Variants in PPM1L observed in about 807,000 individuals in gnomAD.
PPM1L encodes protein phosphatase 1L.
In PPM1L, 13 loss-of-function variants were observed where a neutral mutation model predicts 31.4. The ratio of observed to expected loss-of-function variants is 0.41; its 90% CI spans 0.27 to 0.66. The LOEUF (loss-of-function observed/expected upper bound fraction) is 0.66. Ranked by LOEUF, PPM1L falls within the 30% of genes least tolerant of loss-of-function variation. The probability of loss-of-function intolerance (pLI) is 0.29; values close to 1 mark genes in which losing one functional copy is unlikely to be tolerated. For missense variants in PPM1L, 326 were observed against 453.7 expected (o/e 0.72, Z 2.56); for synonymous variants, 184 against 175.4 (o/e 1.05, Z -0.39).
chr3:160,897,750 T>C (rs1713390937), intron 1 of PPM1L, among the ~76,000 whole-genome samples: 1 of 152,246 alleles, frequency 6.6e-6, no homozygotes, highest in African/African-American at 2.4e-5. Context: ...GACTGCCAGC[T>C]GGATGCAGGG....
At chr3:160,985,978 A>ACCC (rs60857659) in intron 2 of PPM1L, among the ~76,000 whole-genome samples, 5 of 59,372 alleles carry the variant, frequency 8.4e-5, no homozygotes, top group African/African-American at 1.8e-4. Flanking sequence ...CTCTCCACCC[A>ACCC]CCCAAAAAAA....
chr3:161,068,406 TG>T (rs1719806044), intron 3 of PPM1L, among the ~76,000 whole-genome samples: 1 of 152,166 alleles, frequency 6.6e-6, no homozygotes, highest in South Asian at 2.1e-4. Context: ...CACTTATGAG[TG>T]GCCTCAGGCC....
intron 1 of PPM1L, among the ~76,000 whole-genome samples, chr3:160,897,875 G>C (rs1454578719): frequency 6.6e-6 from 1 of 152,154 alleles, no homozygotes; most frequent in South Asian, 2.1e-4. Context: ...CTTGCACCCT[G>C]TCACTCACTT....
At chr3:160,911,209 G>A (rs1333539604) in intron 1 of PPM1L, among the ~76,000 whole-genome samples, 2 of 152,194 alleles carry the variant, frequency 1.3e-5, no homozygotes, top group African/African-American at 2.4e-5. Flanking sequence ...CAGAATATAA[G>A]TAAGAAATCT....
intron 2 of PPM1L, among the ~76,000 whole-genome samples, chr3:161,040,945 A>G (rs9682249): frequency 0.046 from 7,021 of 152,264 alleles, 410 homozygotes; most frequent in African/African-American, 0.12. Context: ...GCATCTGTAA[A>G]GAATCTCTGT....
chr3:161,029,114 T>C (rs138451470), intron 2 of PPM1L, among the ~76,000 whole-genome samples: 1 of 152,326 alleles, frequency 6.6e-6, no homozygotes, highest in East Asian at 1.9e-4. Context: ...ATGTATGTAG[T>C]CTAATGGCCG....
At chr3:160,866,710 T>C (rs1712100834) in intron 1 of PPM1L, among the ~76,000 whole-genome samples, 1 of 152,134 alleles carries the variant, frequency 6.6e-6, no homozygotes, top group Admixed American at 6.5e-5. Flanking sequence ...ATTAACTCAT[T>C]CCCCCATATA....
At chr3:160,957,478 C>T (rs1326256115) in intron 1 of PPM1L, among the ~76,000 whole-genome samples, 6 of 152,142 alleles carry the variant, frequency 3.9e-5, no homozygotes, top group African/African-American at 1.4e-4. Context: ...GGAATCACCA[C>T]ACTGTCTTCC....
intron 1 of PPM1L, among the ~76,000 whole-genome samples, chr3:160,829,892 CCTGTT>C (rs1418249320): frequency 6.6e-6 from 1 of 152,178 alleles, no homozygotes; most frequent in African/African-American, 2.4e-5. Flanking sequence ...CCTTTCCTGG[CCTGTT>C]CTCTAACACA....
At chr3:160,891,529 A>G (rs941187481) in intron 1 of PPM1L, among the ~76,000 whole-genome samples, 1 of 152,190 alleles carries the variant, frequency 6.6e-6, no homozygotes, top group Admixed American at 6.5e-5. Flanking sequence ...GAACAAAGGA[A>G]TGCTTTTACA....
intron 2 of PPM1L, among the ~76,000 whole-genome samples, chr3:160,970,482 C>G (rs1181978771): frequency 7.8e-6 from 1 of 127,594 alleles, no homozygotes; most frequent in Non-Finnish European, 1.6e-5. Flanking sequence ...TGGAGTGTCA[C>G]TTTGTTGCCC....
intron 1 of PPM1L, among the ~76,000 whole-genome samples, chr3:160,927,797 G>A (rs1714653956): frequency 6.6e-6 from 1 of 152,152 alleles, no homozygotes; most frequent in Admixed American, 6.5e-5. Flanking sequence ...TTTTGGTCAG[G>A]CAGTTGCTAT....
chr3:160,990,054 G>A (rs893045340), intron 2 of PPM1L, among the ~76,000 whole-genome samples: 5 of 152,038 alleles, frequency 3.3e-5, no homozygotes, highest in African/African-American at 1.2e-4. Flanking sequence ...GAATGCAGTG[G>A]CATGAACACA....
At chr3:160,933,284 AT>A (rs139068573) in intron 1 of PPM1L, among the ~76,000 whole-genome samples, 3,324 of 150,226 alleles carry the variant, frequency 0.022, 105 homozygotes, top group African/African-American at 0.075. Flanking sequence ...TTTTGAGTGA[AT>A]TTTTTTTTTG....
chr3:160,966,421 T>C (rs1372422642), intron 2 of PPM1L, among the ~76,000 whole-genome samples: 1 of 152,134 alleles, frequency 6.6e-6, no homozygotes, highest in Non-Finnish European at 1.5e-5. Context: ...TCTGGTAGTT[T>C]TATTGTGATT....
At position 161,022,153 on chromosome 3, in the gene PPM1L, A is replaced by G. The variant is rs570834339; in HGVS notation, c.575-43250A>G. The G allele has an allele frequency of 3.7e-4, 239 of 652,008 alleles. 1 individual carries two copies. The African/African-American group carries it at 3.9e-3, about 11-fold the overall frequency. The allele number at this position is 652,008 out of a possible 1,614,324, so 40.4% of individuals were successfully genotyped here. ...TTCCATTTTTTTTTTTTTTACCCTT[A>G]GTTACTTTTTGAATGACTGCTTGGA... is the stretch of plus-strand genomic sequence containing the variant. On this transcript the variant is annotated intron_variant, in intron 2 of 3. Transcript: ENST00000498165.
chr3:160,986,429 C>T (rs902399933), intron 2 of PPM1L, among the ~76,000 whole-genome samples: 2 of 151,986 alleles, frequency 1.3e-5, no homozygotes, highest in African/African-American at 4.8e-5. Context: ...TTAGAGAACC[C>T]TCTTTAGGAA....
chr3:160,965,626 A>G (rs1481826384), intron 2 of PPM1L, among the ~76,000 whole-genome samples: 5 of 152,092 alleles, frequency 3.3e-5, no homozygotes, highest in Non-Finnish European at 5.9e-5. Flanking sequence ...GATATTTTCA[A>G]TTTACAGTGG....
intron 1 of PPM1L, among the ~76,000 whole-genome samples, chr3:160,794,787 A>C (rs1036528591): frequency 4.6e-5 from 7 of 152,196 alleles, no homozygotes; most frequent in East Asian, 1.9e-4. Flanking sequence ...GCTTAAAAAA[A>C]ATCGCAAGAA....
Sources: gnomAD v4.1 joint callset for allele counts (sites outside exome capture counted in the v4.1 genomes callset) on GRCh38, gnomAD v4.1.1 for gene constraint, MANE v1.5 for transcripts, NCBI Gene and HGNC (gene_info 2026-07-23, HGNC 2026-07-21) for gene names.